The following METTL15 variants were observed in gnomAD, a reference collection of about 807,000 sequenced individuals.
METTL15 encodes methyltransferase 15, mitochondrial 12S rRNA N4-cytidine.
In METTL15, 34 loss-of-function variants were observed where a neutral mutation model predicts 38.3. The ratio of observed to expected loss-of-function variants is 0.89; its 90% CI spans 0.68 to 1.18. The LOEUF is 1.18. Ranked by LOEUF, METTL15 falls within the 50% of genes most tolerant of loss-of-function variation. The probability of loss-of-function intolerance (pLI) is 0.00; values close to 1 mark genes in which losing one functional copy is unlikely to be tolerated. For missense variants in METTL15, 438 were observed against 498.4 expected, an observed-to-expected ratio of 0.88 and a Z score of 1.15; for synonymous variants, 162 against 170.9, an observed-to-expected ratio of 0.95 and a Z score of 0.41.
At chr11:28,309,271 G>C (rs983899373) in intron 6 of METTL15, among the ~76,000 whole-genome samples, 1 of 152,036 alleles carries the variant, frequency 6.6e-6, no homozygotes, top group African/African-American at 2.4e-5. Flanking sequence ...CTTTTGACTC[G>C]TCACAAATCT....
chr11:28,471,166 T>C (rs1851300160), intron 6 of METTL15, among the ~76,000 whole-genome samples: 2 of 151,972 alleles, frequency 1.3e-5, no homozygotes, highest in African/African-American at 4.8e-5. Flanking sequence ...TCTCAACAGG[T>C]CAGACTTGTT....
chr11:28,299,431 A>C (rs1043212301), intron 6 of METTL15, among the ~76,000 whole-genome samples: 1 of 152,130 alleles, frequency 6.6e-6, no homozygotes, highest in African/African-American at 2.4e-5. Flanking sequence ...GGGAAACTGC[A>C]GCTGTCTTTC....
chr11:28,354,426 G>A (rs756743104), intron 4 of METTL15, among the ~76,000 whole-genome samples: 3 of 152,176 alleles, frequency 2.0e-5, no homozygotes, highest in Non-Finnish European at 4.4e-5. Context: ...TTGGGTCATG[G>A]CATACTAAGA....
At chr11:28,478,076 C>G (rs1475848817) in intron 6 of METTL15, among the ~76,000 whole-genome samples, 1 of 152,134 alleles carries the variant, frequency 6.6e-6, no homozygotes, top group Non-Finnish European at 1.5e-5. Flanking sequence ...TATACCCCAG[C>G]TATAAAACTT....
chr11:28,176,797 T>C (rs1187182927), intron 3 of METTL15, among the ~76,000 whole-genome samples: 2 of 152,050 alleles, frequency 1.3e-5, no homozygotes, highest in African/African-American at 2.4e-5. Flanking sequence ...AATTATGATA[T>C]TACTGTGTAT....
At chr11:28,437,794 A>G (rs1477628345) in intron 6 of METTL15, among the ~76,000 whole-genome samples, 1 of 152,230 alleles carries the variant, frequency 6.6e-6, no homozygotes, top group African/African-American at 2.4e-5. Context: ...CATGGTTTAC[A>G]CATCATTTGT....
At chr11:28,243,785 C>T (rs148897024) in intron 4 of METTL15, among the ~76,000 whole-genome samples, 13 of 152,166 alleles carry the variant, frequency 8.5e-5, no homozygotes, top group East Asian at 3.9e-4. Flanking sequence ...CATGAGTCTT[C>T]CCCCGGAGAA....
chr11:28,318,907 T>TG (rs1849362902), intron 6 of METTL15, among the ~76,000 whole-genome samples: 1 of 152,124 alleles, frequency 6.6e-6, no homozygotes, highest in East Asian at 1.9e-4. Flanking sequence ...TTAAACCCAC[T>TG]ATCAAGAAAG....
chr11:28,289,453 G>C (rs1856422815), intron 4 of METTL15, among the ~76,000 whole-genome samples: 1 of 152,116 alleles, frequency 6.6e-6, no homozygotes. Flanking sequence ...ATGACATCTT[G>C]AGAGCATTGC....
At chr11:28,359,906 A>AT (rs929911829) in intron 4 of METTL15, among the ~76,000 whole-genome samples, 2 of 152,154 alleles carry the variant, frequency 1.3e-5, no homozygotes, top group Non-Finnish European at 2.9e-5. Flanking sequence ...CACTTGAGTG[A>AT]TTTTTGAGAG....
At chr11:28,141,156 T>C (rs541983584) in intron 3 of METTL15, among the ~76,000 whole-genome samples, 45 of 152,162 alleles carry the variant, frequency 3.0e-4, no homozygotes, top group African/African-American at 1.1e-3. Context: ...TTTTTAGCGG[T>C]AATTTGGTGG....
chr11:28,376,624 C>A (rs1013143928), intron 5 of METTL15, among the ~76,000 whole-genome samples: 3 of 152,046 alleles, frequency 2.0e-5, no homozygotes, highest in Non-Finnish European at 2.9e-5. Context: ...ATTTGCCAGT[C>A]TGTGTCTTTT....
At chr11:28,329,494 G>T (rs573210216) in intron 6 of METTL15, among the ~76,000 whole-genome samples, 1 of 152,204 alleles carries the variant, frequency 6.6e-6, no homozygotes, top group East Asian at 1.9e-4. Flanking sequence ...AAAGAAGTCA[G>T]CTGGAATTCT....
intron 6 of METTL15, among the ~76,000 whole-genome samples, chr11:28,508,887 G>C (rs1851651973): frequency 6.6e-6 from 1 of 152,204 alleles, no homozygotes; most frequent in South Asian, 2.1e-4. Flanking sequence ...CCTGGTCCTG[G>C]TTTGGTAAAT....
intron 6 of METTL15, among the ~76,000 whole-genome samples, chr11:28,525,921 G>T (rs1851807039): frequency 1.3e-5 from 2 of 152,230 alleles, no homozygotes. Context: ...AGGCATGGTG[G>T]GCTGCAGGTC....
chr11:28,439,361 T>A (rs776692733), intron 6 of METTL15, among the ~76,000 whole-genome samples: 1 of 152,204 alleles, frequency 6.6e-6, no homozygotes, highest in Non-Finnish European at 1.5e-5. Flanking sequence ...ACGCTCGCTA[T>A]GCTGAGCATG....
intron 3 of METTL15, among the ~76,000 whole-genome samples, chr11:28,184,387 G>T (rs1413051328): frequency 6.6e-6 from 1 of 151,856 alleles, no homozygotes; most frequent in African/African-American, 2.4e-5. Context: ...GCTTTCTCTT[G>T]TGGGCATTTA....
At chr11:28,386,837 A>G (rs1665772341) in intron 5 of METTL15, among the ~76,000 whole-genome samples, 1 of 152,050 alleles carries the variant, frequency 6.6e-6, no homozygotes, top group South Asian at 2.1e-4. Flanking sequence ...CAAATTTAAC[A>G]AGATTGAACT....
In METTL15 at chr11:28,209,367, G is replaced by GTAA. The variant is rs772508947; in HGVS notation, c.271-1693_271-1691dup. 1.4e-4 allele frequency among the ~76,000 whole-genome samples: 22 copies of GTAA among 152,080 alleles called. No individual in the cohort carries two copies. In the South Asian group the frequency reaches 4.3e-3, roughly 30 times the overall value. On this transcript the variant is annotated intron_variant, in intron 3 of 6. Coordinates refer to ENST00000407364, the MANE Select transcript of METTL15 (RefSeq NM_001113528.2). Reference sequence around the variant, plus strand: ...AACTTCTTAAAATTTTCAAATTGATGTAATGCATAGTGGAAGATTTTTGCC... The same window carrying GTAA: ...AACTTCTTAAAATTTTCAAATTGATGTAATAATGCATAGTGGAAGATTTTTGCC...
Sources: gnomAD v4.1 joint callset for allele counts (sites outside exome capture counted in the v4.1 genomes callset) on GRCh38, gnomAD v4.1.1 for gene constraint, MANE v1.5 for transcripts, NCBI Gene and HGNC (gene_info 2026-07-23, HGNC 2026-07-21) for gene names.